The following HSD3B1 variants were observed in gnomAD, a reference collection of about 807,000 sequenced individuals.
The protein encoded by HSD3B1 is hydroxy-delta-5-steroid dehydrogenase, 3 beta- and steroid delta-isomerase 1, also known as 3 beta-hydroxysteroid dehydrogenase/Delta 5-->4-isomerase type 1.
A neutral mutation model predicts 10.4 loss-of-function variants in HSD3B1; 11 were observed. The observed-to-expected ratio is 1.05, with a 90% CI of 0.66 to 1.75. The LOEUF (loss-of-function observed/expected upper bound fraction) is 1.75. Ranked by LOEUF, HSD3B1 falls within the 40% of genes most tolerant of loss-of-function variation. The probability of loss-of-function intolerance (pLI) is 0.00; values close to 1 mark genes in which losing one functional copy is unlikely to be tolerated. For synonymous variants in HSD3B1, 217 were observed against 185.4 expected (o/e 1.17, Z -1.39); for missense variants, 490 against 454.5 (o/e 1.08, Z -0.71).
Position 119,511,619 on chromosome 1 carries a change from G to A in HSD3B1, c.262G>A (p.Val88Ile). 6.2e-7 allele frequency: 1 copy of A among 1,613,260 alleles called. No homozygotes were observed. Among genetic ancestry groups the A allele is most frequent in the Non-Finnish European group, 8.5e-7 (1 of 1,179,656 alleles). Residue 88 changes from valine (V) to isoleucine (I), a missense_variant, in exon 3 of 4, where the codon GTC (valine) becomes ATC (isoleucine). By Grantham distance (29) the Val-to-Ile change is conservative (BLOSUM62 3). Transcript: ENST00000369413. Reference protein sequence around the residue: ...VIIHTACIIDVFGVTHRESIM... With the variant: ...VIIHTACIIDIFGVTHRESIM... ...CATCCACACCGCCTGTATCATTGAT[G>A]TCTTCGGTGTCACTCACAGAGAGTC...
intron 2 of HSD3B1, among the ~76,000 whole-genome samples, chr1:119,509,645 A>T (rs1653881948): frequency 6.6e-6 from 1 of 151,872 alleles, no homozygotes; most frequent in South Asian, 2.1e-4. Context: ...CTCTTCCCTG[A>T]CTCCCCCACT....
intron 2 of HSD3B1, among the ~76,000 whole-genome samples, chr1:119,510,789 G>A (rs751174166): frequency 3.2e-5 from 4 of 124,844 alleles, no homozygotes; most frequent in Admixed American, 9.9e-5. Flanking sequence ...ACCCAGGCTA[G>A]AGTGCAGAGG....
In HSD3B1 at chr1:119,514,988, T is replaced by C; in HGVS notation, c.*343T>C. 1 of 283,076 alleles carries C rather than the reference T, an allele frequency of 3.5e-6. No homozygotes were observed. The highest frequency in any genetic ancestry group is 6.6e-6 in the Non-Finnish European group (1 of 151,296). The allele number at this position is 283,076 out of a possible 1,614,324, so 17.5% of individuals were successfully genotyped here. On this transcript the variant is annotated 3_prime_UTR_variant, in exon 4 of 4. Transcript: ENST00000369413. ...TACTCTTAAATGAGAAAGGATTTCC[T>C]TTCTTTTTAATCTTCCATTCCTTCA...
intron 3 of HSD3B1, 105 bp from the exon 4 acceptor site, chr1:119,513,729 A>T (rs1424699380): frequency 1.8e-6 from 2 of 1,082,158 alleles, no homozygotes; most frequent in Non-Finnish European, 2.8e-6. Context: ...AGTCTGTTAC[A>T]ACCACCATAT....
chr1:119,508,689 C>T (rs1164856156), intron 2 of HSD3B1, among the ~76,000 whole-genome samples: 1 of 152,150 alleles, frequency 6.6e-6, no homozygotes, highest in Admixed American at 6.5e-5. Flanking sequence ...ATTCCCTGTC[C>T]TCCTCCCCAA....
At chr1:119,513,693 A>G (rs1654010802) in intron 3 of HSD3B1, 141 bp from the exon 4 acceptor site, 1 of 811,448 alleles carries the variant, frequency 1.2e-6, no homozygotes, top group Non-Finnish European at 2.0e-6. Flanking sequence ...CAAATCTCAG[A>G]CAGAACCACA....
chr1:119,511,791 A>G, intron 3 of HSD3B1, 124 bp downstream of exon 3: 1 of 875,006 alleles, frequency 1.1e-6, no homozygotes, highest in Non-Finnish European at 1.9e-6. Context: ...GCCTTTGCTG[A>G]TCACTACGAA....
chr1:119,513,820 C>T lies in HSD3B1; in HGVS notation c.311-14C>T, dbSNP rs773210473. ...GATATATCCTGACAGTGACAATATG[C>T]TCTTCATGGACAGGTACCCAGCTCC... is the stretch of plus-strand genomic sequence containing the variant. On this transcript the variant is annotated splice_polypyrimidine_tract_variant and intron_variant, in intron 3 of 3. Transcript: ENST00000369413. 5 of 1,612,198 alleles carry T rather than the reference C, an allele frequency of 3.1e-6. No individual in the cohort carries two copies. The highest frequency in any genetic ancestry group is 1.7e-4 in the Middle Eastern group (1 of 6,042).
intron 3 of HSD3B1, among the ~76,000 whole-genome samples, chr1:119,512,273 G>A (rs1653959831): frequency 6.6e-6 from 1 of 152,294 alleles, no homozygotes; most frequent in South Asian, 2.1e-4. Context: ...CAAGAATACA[G>A]TCTCTTCAGC....
intron 3 of HSD3B1, 71 bp downstream of exon 3, chr1:119,511,738 G>A: frequency 2.1e-6 from 3 of 1,453,624 alleles, no homozygotes; most frequent in Non-Finnish European, 2.9e-6. Flanking sequence ...AGGAAGGGAA[G>A]AGAAGTCCCT....
In HSD3B1 at chr1:119,514,324, C is replaced by T. The variant is rs781218977; in HGVS notation, c.801C>T (p.Asn267=). Residue 267 remains asparagine (N), a synonymous_variant, in exon 4 of 4, where the codon AAC becomes AAT. Transcript: ENST00000369413. ...ACACGCCTCACCAAAGCTATGATAA[C>T]CTTAATTACACCCTGAGCAAAGAGT... ...SDDTPHQSYD[N]LNYTLSKEFG... The T allele has an allele frequency of 9.3e-6, 15 of 1,613,980 alleles. No homozygotes were observed. In the South Asian group the frequency reaches 1.1e-4, roughly 12 times the overall value.
At position 119,511,636 on chromosome 1, in the gene HSD3B1, C is replaced by G. The variant is rs587715330; in HGVS notation, c.279C>G (p.His93Gln). 17 of 1,613,030 alleles carry G rather than the reference C, an allele frequency of 1.1e-5. No individual in the cohort carries two copies. The East Asian group carries it at 3.6e-4, about 34-fold the overall frequency. Residue 93 changes from histidine (H) to glutamine (Q), a missense_variant, in exon 3 of 4, where the codon CAC becomes CAG. Coordinates refer to ENST00000369413, the MANE Select transcript of HSD3B1 (RefSeq NM_000862.3). Reference protein sequence around the residue: ...ACIIDVFGVTHRESIMNVNVK... With the variant: ...ACIIDVFGVTQRESIMNVNVK... ...TCATTGATGTCTTCGGTGTCACTCA[C>G]AGAGAGTCTATCATGAATGTCAATG...
intron 2 of HSD3B1, among the ~76,000 whole-genome samples, chr1:119,508,765 C>T (rs923224085): frequency 1.3e-5 from 2 of 152,212 alleles, no homozygotes; most frequent in East Asian, 3.8e-4. Context: ...TCCTGCCCTG[C>T]CCACAGAGAA....
chr1:119,509,651 C>G (rs1250043677), intron 2 of HSD3B1, among the ~76,000 whole-genome samples: 1 of 152,160 alleles, frequency 6.6e-6, no homozygotes, highest in Non-Finnish European at 1.5e-5. Flanking sequence ...CCTGACTCCC[C>G]CACTCCAGGA....
chr1:119,511,350 C>A (rs150153943), intron 2 of HSD3B1, among the ~76,000 whole-genome samples, 153 bp from the exon 3 acceptor site: 2 of 152,332 alleles, frequency 1.3e-5, no homozygotes, highest in Admixed American at 1.3e-4. Flanking sequence ...GATTTCTGTG[C>A]CTTTTTTACT....
Position 119,513,776 on chromosome 1 carries a change from G to A in HSD3B1, c.311-58G>A, listed in dbSNP as rs976203133. The A allele has an allele frequency of 1.4e-5, 21 of 1,531,290 alleles. No homozygotes were observed. In the Admixed American group the frequency reaches 1.4e-4, roughly 10 times the overall value. The allele number at this position is 1,531,290 out of a possible 1,614,324, so 94.9% of individuals were successfully genotyped here. On this transcript the variant is annotated intron_variant, in intron 3 of 3. Transcript: ENST00000369413. ...GGGTGGGGCACATAGATCTGTGTTC[G>A]TGGTTGGCACCTCTTAGGGATATAT...
At chr1:119,512,994 G>A (rs587690046) in intron 3 of HSD3B1, among the ~76,000 whole-genome samples, 1 of 152,318 alleles carries the variant, frequency 6.6e-6, no homozygotes, top group African/African-American at 2.4e-5. Flanking sequence ...ACCTCCATGA[G>A]CTTTGCTTCT....
intron 2 of HSD3B1, among the ~76,000 whole-genome samples, chr1:119,508,427 T>G (rs931640604): frequency 1.3e-5 from 2 of 151,376 alleles, no homozygotes; most frequent in East Asian, 1.9e-4. Flanking sequence ...AGAAATTGAC[T>G]GCAGAATTTT....
At position 119,514,390 on chromosome 1, in the gene HSD3B1, C is replaced by A; in HGVS notation, c.867C>A (p.Ser289=). 1 of 1,614,122 alleles carries A rather than the reference C, an allele frequency of 6.2e-7. No homozygotes were observed. The highest frequency in any genetic ancestry group is 8.5e-7 in the Non-Finnish European group (1 of 1,180,022). The part of the protein sequence containing the change: ...RLDSRWSFPL[S]LMYWIGFLLE... ...ATTCCAGATGGAGCTTTCCTTTATC[C>A]CTGATGTATTGGATTGGCTTCCTGC... The change falls in exon 4 of 4, where the codon TCC becomes TCA. Residue 289 remains serine (S), a synonymous_variant. Transcript: ENST00000369413.
Sources: gnomAD v4.1 joint callset for allele counts (sites outside exome capture counted in the v4.1 genomes callset) on GRCh38, gnomAD v4.1.1 for gene constraint, MANE v1.5 for transcripts, NCBI Gene and HGNC (gene_info 2026-07-23, HGNC 2026-07-21) for gene names.